SYT3: variants seen among roughly 807,000 people sequenced by gnomAD.
SYT3 encodes synaptotagmin-3.
A neutral mutation model predicts 50.6 loss-of-function variants in SYT3; 25 were observed. The ratio of observed to expected loss-of-function variants is 0.49; its 90% CI spans 0.36 to 0.69. The LOEUF is 0.69. Ranked by LOEUF, SYT3 falls within the 30% of genes least tolerant of loss-of-function variation. The probability of loss-of-function intolerance (pLI) is 0.00; values close to 1 mark genes in which losing one functional copy is unlikely to be tolerated. For synonymous variants in SYT3, 323 were observed against 353.9 expected (o/e 0.91, Z 0.98); for missense variants, 589 against 793.6 (o/e 0.74, Z 3.10).
rs778823813 is a variant in SYT3 at position 50,625,992 on chromosome 19, T to C, written c.1307A>G (p.Asn436Ser). 6.2e-7 allele frequency: 1 copy of C among 1,613,992 alleles called. No homozygotes were observed. The highest frequency in any genetic ancestry group is 2.2e-5 in the East Asian group (1 of 44,854). The part of the protein sequence containing the change: ...GSEKADLGEL[N>S]FSLCYLPTAG... ...CGTGGGGAGGTAGCAGAGTGAGAAGTTGAGCTCCCCAAGATCTGCTTTTTC... is the reference window on the plus strand; with the variant it reads ...CGTGGGGAGGTAGCAGAGTGAGAAGCTGAGCTCCCCAAGATCTGCTTTTTC... Residue 436 changes from asparagine to serine, a missense_variant, in exon 7 of 11, where the codon AAC becomes AGC. By Grantham distance (46) the Asn-to-Ser change is conservative (BLOSUM62 1). Around this residue, in one of 2 missense-constraint regions of SYT3, gnomAD observed 273 missense variants for 439.3 expected, o/e 0.62. Transcript: ENST00000600079. The surrounding 1 kb of genome is among the most constrained non-coding windows in gnomAD (Gnocchi z 7.5).
chr19:50,629,248 T>C (rs1406191075), intron 6 of SYT3, 46 bp downstream of exon 6: 1 of 1,486,420 alleles, frequency 6.7e-7, no homozygotes, highest in Non-Finnish European at 9.1e-7. Context: ...ACCCGGGGGG[T>C]CTCAGGGCCC....
rs762018415 is a variant in SYT3 at position 50,629,544 on chromosome 19, C to T, written c.1063-32G>A. ...GTGGTGGGCGACAGGAGACAGACAC[C>T]GTGCCCATAAGCCCCTCCTCCACAG... On this transcript the variant is annotated intron_variant, in intron 5 of 10. Coordinates refer to ENST00000600079, the MANE Select transcript of SYT3 (RefSeq NM_001160329.2). 16 of 1,589,248 alleles carry T rather than the reference C, an allele frequency of 1.0e-5. 2 individuals are homozygous for T. In the South Asian group the frequency reaches 1.0e-4, roughly 10 times the overall value.
At chr19:50,624,680 G>A (rs1246986500) in intron 9 of SYT3, among the ~76,000 whole-genome samples, 1 of 151,744 alleles carries the variant, frequency 6.6e-6, no homozygotes, top group Non-Finnish European at 1.5e-5. Flanking sequence ...AGCCTCCCAA[G>A]TAGCTGGGAT....
At chr19:50,643,208 A>T (rs1341455677), upstream of SYT3, among the ~76,000 whole-genome samples, 2 of 151,330 alleles carry the variant, frequency 1.3e-5, no homozygotes, top group African/African-American at 4.9e-5. Context: ...TCATTTCTAC[A>T]AAAAATACAA....
the SYT3 span, chr19:50,656,322 C>T: frequency 9.8e-6 from 15 of 1,536,160 alleles, no homozygotes; most frequent in African/African-American, 1.5e-4. Flanking sequence ...CTTCCCAGCC[C>T]CTCTGCCTCT....
chr19:50,650,124 C>T, the SYT3 span, among the ~76,000 whole-genome samples: 3 of 152,184 alleles, frequency 2.0e-5, no homozygotes, highest in Non-Finnish European at 4.4e-5. Flanking sequence ...GTCTCTCTGA[C>T]TTCCTGCAGT....
chr19:50,623,197 G>T (rs1015896764), intron 9 of SYT3, among the ~76,000 whole-genome samples: 1 of 152,022 alleles, frequency 6.6e-6, no homozygotes, highest in Admixed American at 6.6e-5. Flanking sequence ...CCCAACATGG[G>T]CAGTGGCTCA....
chr19:50,624,452 C>T (rs1302243969), intron 9 of SYT3, among the ~76,000 whole-genome samples: 2 of 152,128 alleles, frequency 1.3e-5, no homozygotes, highest in African/African-American at 4.8e-5. Flanking sequence ...GGCAAATCTG[C>T]CAATAACACT....
chr19:50,629,201 T>G (rs1309985547), intron 6 of SYT3, 93 bp downstream of exon 6: 7 of 969,052 alleles, frequency 7.2e-6, no homozygotes, highest in Non-Finnish European at 9.0e-6. Flanking sequence ...GGACAAGAAG[T>G]GAGGAAGTTA....
At chr19:50,652,662 C>T in the SYT3 span, among the ~76,000 whole-genome samples, 5 of 152,156 alleles carry the variant, frequency 3.3e-5, no homozygotes, top group African/African-American at 1.2e-4. Flanking sequence ...ACGGTCTGAT[C>T]ACGTGTGGTC....
At chr19:50,647,997 G>A in the SYT3 span, among the ~76,000 whole-genome samples, 4 of 152,142 alleles carry the variant, frequency 2.6e-5, no homozygotes, top group South Asian at 2.1e-4. Context: ...TAACGGAAAC[G>A]CAAATCAAAT....
At chr19:50,656,679 C>T in the SYT3 span, among the ~76,000 whole-genome samples, 6 of 152,198 alleles carry the variant, frequency 3.9e-5, no homozygotes, top group South Asian at 4.1e-4. Context: ...GTGTCGGGTG[C>T]GGTGGCTCAC....
chr19:50,656,038 C>T, the SYT3 span: 2 of 1,536,012 alleles, frequency 1.3e-6, no homozygotes, highest in Non-Finnish European at 1.7e-6. Context: ...ACACTGGGTT[C>T]TCTGTCCTCA....
chr19:50,634,572 C>CTT (rs3028785), intron 3 of SYT3, among the ~76,000 whole-genome samples: 1 of 74,220 alleles, frequency 1.3e-5, no homozygotes, highest in African/African-American at 5.2e-5. Context: ...TCTTGGGGTG[C>CTT]TTTTTTTTTT....
chr19:50,654,314 T>C, the SYT3 span, among the ~76,000 whole-genome samples: 1 of 152,120 alleles, frequency 6.6e-6, no homozygotes, highest in Non-Finnish European at 1.5e-5. Context: ...CCTCTCTTTT[T>C]GTTTTTGAGA....
chr19:50,654,891 G>C, the SYT3 span, among the ~76,000 whole-genome samples: 1 of 152,202 alleles, frequency 6.6e-6, no homozygotes, highest in African/African-American at 2.4e-5. Context: ...TGTAATGAAA[G>C]GCAGGGTTGT....
chr19:50,636,769 T>G (rs1214362687), intron 3 of SYT3, among the ~76,000 whole-genome samples: 1 of 152,248 alleles, frequency 6.6e-6, no homozygotes, highest in Non-Finnish European at 1.5e-5. Context: ...TGGACCACAG[T>G]TGGTGCTCAG....
At chr19:50,628,053 C>T (rs979756545) in intron 6 of SYT3, among the ~76,000 whole-genome samples, 4 of 151,968 alleles carry the variant, frequency 2.6e-5, no homozygotes, top group African/African-American at 9.7e-5. Flanking sequence ...TACCTGGCAC[C>T]CAGCTCAACT....
rs776990966 is a variant in SYT3 at position 50,625,070 on chromosome 19, G to A, written c.1707+92C>T. The A allele has an allele frequency of 1.5e-5, 20 of 1,312,552 alleles. No homozygotes were observed. The highest frequency in any genetic ancestry group is 3.1e-5 in the Admixed American group (1 of 32,200). 81.3% of individuals were successfully genotyped at this position (1,312,552 alleles called of 1,614,324 possible). On this transcript the variant is annotated intron_variant, in intron 9 of 10. Transcript: ENST00000600079. This position sits in a 1 kb window ranked among gnomAD's most constrained non-coding sequence, Gnocchi z 7.5. ...TGAAACCTAGGACGCCTGGCTCTGC[G>A]ACTCACGAACATGCAGGGCGTTCGT...
Sources: allele counts gnomAD v4.1 joint callset (sites outside exome capture counted in the v4.1 genomes callset), GRCh38; gene constraint gnomAD v4.1.1; regional missense constraint gnomAD v4.1.1; non-coding constraint Gnocchi (gnomAD v3.1); transcripts MANE v1.5; gene names NCBI Gene and HGNC (gene_info 2026-07-23, HGNC 2026-07-21).